Variants in CORO1B observed in about 807,000 individuals in gnomAD.
CORO1B encodes the protein coronin-1B.
CORO1B carries 30 observed loss-of-function variants against 51.1 expected under a neutral mutation model. The ratio of observed to expected loss-of-function variants is 0.59; its 90% CI spans 0.44 to 0.80. The LOEUF is 0.80. CORO1B is among the 30% of genes least tolerant of loss of function. CORO1B has a pLI of 0.00. For missense variants in CORO1B, 648 were observed against 700.4 expected (o/e 0.93, Z 0.84); for synonymous variants, 310 against 289.7 (o/e 1.07, Z -0.71).
rs1864398678 is a variant in CORO1B at position 67,441,716 on chromosome 11, CG to C, written c.454+16del. On this transcript the variant is annotated intron_variant, in intron 4 of 10. Coordinates refer to ENST00000341356, the MANE Select transcript of CORO1B (RefSeq NM_020441.3). ...GTCCGTGGGGGGGGGGAGCACAAAA[CG>C]GGGGGCGGTGCAGACCTGCACTGAG... The C allele has an allele frequency of 1.9e-6, 3 of 1,538,934 alleles. No individual in the cohort carries two copies. In the South Asian group the frequency reaches 3.4e-5, roughly 18 times the overall value.
chr11:67,436,416 T>TG lies in CORO1B; in HGVS notation c.*1959dup. 7.1e-7 allele frequency: 1 copy of TG among 1,416,060 alleles called. No individual in the cohort carries two copies. 87.7% of individuals were successfully genotyped at this position (1,416,060 alleles called of 1,614,324 possible). On this transcript the variant is annotated 3_prime_UTR_variant, in exon 11 of 11. Transcript: ENST00000341356. ...GGGTGGGGCCTGGTGTGGGGCAGGC[T>TG]GGGTGACCAAGACCACTTTCGTTTT...
chr11:67,439,147 CCT>C (rs1433312049), intron 9 of CORO1B, among the ~76,000 whole-genome samples, 198 bp from the exon 10 acceptor site: 1 of 152,238 alleles, frequency 6.6e-6, no homozygotes, highest in African/African-American at 2.4e-5. Flanking sequence ...GAGCAAGGCC[CCT>C]GTCATCACCT....
rs1188043476 is a variant in CORO1B, at chr11:67,438,522, G to T, written c.1345-21C>A. The T allele has an allele frequency of 3.1e-6, 5 of 1,594,420 alleles. No homozygotes were observed. The South Asian group carries it at 3.3e-5, about 11-fold the overall frequency. ...GCCTCCTGTGGGGACATGAAGCAGG[G>T]GTAGGGGGCGGTGGTCAGGGGCTGC... On this transcript the variant is annotated intron_variant, in intron 10 of 10. Transcript: ENST00000341356.
At position 67,438,335 on chromosome 11, in the gene CORO1B, G is replaced by A. The variant is rs776499865; in HGVS notation, c.*41C>T. The A allele has an allele frequency of 1.3e-6, 2 of 1,562,098 alleles. No individual in the cohort carries two copies. Among genetic ancestry groups the A allele is most frequent in the Admixed American group, 1.7e-5 (1 of 57,550 alleles). ...CCCGCTGGCAGAAGCTGAGTGGGAAGGGGGCGGCGGAGGAGATGAAGGTGG... is the reference window on the plus strand; with the variant it reads ...CCCGCTGGCAGAAGCTGAGTGGGAAAGGGGCGGCGGAGGAGATGAAGGTGG... On this transcript the variant is annotated 3_prime_UTR_variant, in exon 11 of 11. Coordinates refer to ENST00000341356, the MANE Select transcript of CORO1B (RefSeq NM_020441.3).
rs777268553 is a variant in CORO1B at position 67,438,396 on chromosome 11, T to C, written c.1450A>G (p.Met484Val). Residue 484 changes from methionine to valine, a missense_variant, in exon 11 of 11, where the codon ATG (methionine) becomes GTG (valine). By Grantham distance (21) the Met-to-Val change is conservative. Coordinates refer to ENST00000341356, the MANE Select transcript of CORO1B (RefSeq NM_020441.3). Reference protein sequence around the residue: ...ICRLEEQLGRMENGDA With the variant: ...ICRLEEQLGRVENGDA ...TGGCCCTACGCATCCCCGTTCTCCA[T>C]GCGGCCCAGCTGCTCCTCCAGGCGG... The C allele has an allele frequency of 1.2e-6, 2 of 1,607,940 alleles. No individual in the cohort carries two copies. The highest frequency in any genetic ancestry group is 1.3e-5 in the African/African-American group (1 of 75,004).
intron 6 of CORO1B, 193 bp from the exon 7 acceptor site, chr11:67,440,632 G>T: frequency 4.3e-6 from 3 of 696,016 alleles, no homozygotes; most frequent in Non-Finnish European, 7.8e-6. Context: ...TATTCCCAGG[G>T]TCCCTCTTTT....
rs1216406198 is a variant in CORO1B at position 67,437,829 on chromosome 11, C to G, written c.*547G>C. 1 of 423,962 alleles carries G rather than the reference C, an allele frequency of 2.4e-6. No homozygotes were observed. The highest frequency in any genetic ancestry group is 2.0e-5 in the African/African-American group (1 of 49,006). 26.3% of individuals were successfully genotyped at this position (423,962 alleles called of 1,614,324 possible). A position where few individuals can be genotyped will look rare whatever the true frequency, so the allele number is the denominator to read the frequency against. On this transcript the variant is annotated 3_prime_UTR_variant, in exon 11 of 11. Coordinates refer to ENST00000341356, the MANE Select transcript of CORO1B (RefSeq NM_020441.3). ...GAGGAGGCTGGGCTGCCGGGCCTGT[C>G]CTCCAAGGAAGAAGCAGCACCAACT...
In CORO1B at chr11:67,437,568, G is replaced by A. The variant is rs770236193; in HGVS notation, c.*808C>T. On this transcript the variant is annotated 3_prime_UTR_variant, in exon 11 of 11. Coordinates refer to ENST00000341356, the MANE Select transcript of CORO1B (RefSeq NM_020441.3). Reference sequence around the variant, plus strand: ...CCACAGGCCCAGACATTCTAGCCCCGACCGCCTGTGGCCCCCATCCCAAGA... The same window carrying A: ...CCACAGGCCCAGACATTCTAGCCCCAACCGCCTGTGGCCCCCATCCCAAGA... The A allele has an allele frequency of 3.0e-6, 4 of 1,337,756 alleles. No homozygotes were observed. Among genetic ancestry groups the A allele is most frequent in the Admixed American group, 3.0e-5 (1 of 32,936 alleles). 82.9% of individuals were successfully genotyped at this position (1,337,756 alleles called of 1,614,324 possible).
chr11:67,443,720 G>A (rs1864442660), upstream of CORO1B: 3 of 984,914 alleles, frequency 3.0e-6, no homozygotes, highest in Non-Finnish European at 2.4e-6. Context: ...GGCGGCCGCC[G>A]CAGAGGCGCC....
Position 67,436,707 on chromosome 11 carries a change from T to A in CORO1B, c.*1669A>T. 3 of 248,870 alleles carry A rather than the reference T, an allele frequency of 1.2e-5. No individual in the cohort carries two copies. Among genetic ancestry groups the A allele is most frequent in the East Asian group, 8.2e-5 (1 of 12,262 alleles). 15.4% of individuals were successfully genotyped at this position (248,870 alleles called of 1,614,324 possible). The stretch of plus-strand genomic sequence containing the variant: ...TGCTCAAACTTCACCCCAGTGAGGC[T>A]GAACCTGACCTTAACCTCTACCCTG... On this transcript the variant is annotated 3_prime_UTR_variant, in exon 11 of 11. Coordinates refer to ENST00000341356, the MANE Select transcript of CORO1B (RefSeq NM_020441.3).
At position 67,436,274 on chromosome 11, in the gene CORO1B, T is replaced by TCCTCCGCGCTGC; in HGVS notation, c.*2090_*2101dup. The TCCTCCGCGCTGC allele has an allele frequency of 1.3e-6, 2 of 1,539,600 alleles. No homozygotes were observed. The highest frequency in any genetic ancestry group is 1.7e-6 in the Non-Finnish European group (2 of 1,146,996). ...GGTGACAGAGCTGGAGCCCACGCTGTCCTCCGCGCTGCCACCCGAGCCCAA... is the reference window on the plus strand; with the variant it reads ...GGTGACAGAGCTGGAGCCCACGCTGTCCTCCGCGCTGCCCTCCGCGCTGCCACCCGAGCCCAA... On this transcript the variant is annotated 3_prime_UTR_variant, in exon 11 of 11. Transcript: ENST00000341356.
Position 67,438,104 on chromosome 11 carries a change from T to G in CORO1B, c.*272A>C, listed in dbSNP as rs1397927689. 2 of 406,458 alleles carry G rather than the reference T, an allele frequency of 4.9e-6. No individual in the cohort carries two copies. Among genetic ancestry groups the G allele is most frequent in the Non-Finnish European group, 4.3e-6 (1 of 230,096 alleles). The allele number at this position is 406,458 out of a possible 1,614,324, so 25.2% of individuals were successfully genotyped here. On this transcript the variant is annotated 3_prime_UTR_variant, in exon 11 of 11. Coordinates refer to ENST00000341356, the MANE Select transcript of CORO1B (RefSeq NM_020441.3). ...AAAATATAGAGCCCACCCTCCCGCC[T>G]CCTCTGGGGAGGGAGCAGAGGGCTG... is the stretch of plus-strand genomic sequence containing the variant.
chr11:67,437,844 C>G lies in CORO1B; in HGVS notation c.*532G>C. The G allele has an allele frequency of 2.5e-6, 1 of 406,004 alleles. No homozygotes were observed. The highest frequency in any genetic ancestry group is 4.3e-6 in the Non-Finnish European group (1 of 232,842). 25.2% of individuals were successfully genotyped at this position (406,004 alleles called of 1,614,324 possible). On this transcript the variant is annotated 3_prime_UTR_variant, in exon 11 of 11. Coordinates refer to ENST00000341356, the MANE Select transcript of CORO1B (RefSeq NM_020441.3). ...CCGGGCCTGTCCTCCAAGGAAGAAG[C>G]AGCACCAACTTGAAGCTGGATGCAG...
rs752022433 is a variant in CORO1B at position 67,435,842 on chromosome 11, C to T, written c.*2534G>A. Reference sequence around the variant, plus strand: ...GTCACTCAGCAGGGCCTCAGCACTGCCCCCTGCGCTCGCTGGTCCTGGGGA... The same window carrying T: ...GTCACTCAGCAGGGCCTCAGCACTGTCCCCTGCGCTCGCTGGTCCTGGGGA... On this transcript the variant is annotated 3_prime_UTR_variant, in exon 11 of 11. Transcript: ENST00000341356. The T allele has an allele frequency of 1.2e-6, 2 of 1,608,820 alleles. No individual in the cohort carries two copies. Among genetic ancestry groups the T allele is most frequent in the Non-Finnish European group, 1.7e-6 (2 of 1,179,034 alleles).
At position 67,437,335 on chromosome 11, in the gene CORO1B, G is replaced by T; in HGVS notation, c.*1041C>A. 2.7e-6 allele frequency: 1 copy of T among 368,630 alleles called. No individual in the cohort carries two copies. Among genetic ancestry groups the T allele is most frequent in the East Asian group, 3.9e-5 (1 of 25,572 alleles). 22.8% of individuals were successfully genotyped at this position (368,630 alleles called of 1,614,324 possible). On this transcript the variant is annotated 3_prime_UTR_variant, in exon 11 of 11. Transcript: ENST00000341356. ...CCACCACCCCAGGCTGTCCGCCCAG[G>T]CTCCAGGAATGCAAGTTCCCGCTCA...
intron 6 of CORO1B, 81 bp from the exon 7 acceptor site, chr11:67,440,520 A>C: frequency 7.6e-7 from 1 of 1,309,576 alleles, no homozygotes; most frequent in Non-Finnish European, 1.1e-6. Context: ...AGCTGGCCTC[A>C]CTAAGGCCAG....
In CORO1B at chr11:67,438,664, T is replaced by C. The variant is rs906729128; in HGVS notation, c.1344+7A>G. ...TCCCAGCACCACCCCTGCCTGCGCG[T>C]GCATACCCCGGCTCTGGCCAGGCTG... On this transcript the variant is annotated splice_region_variant and intron_variant, in intron 10 of 10. Coordinates refer to ENST00000341356, the MANE Select transcript of CORO1B (RefSeq NM_020441.3). 4 of 1,532,188 alleles carry C rather than the reference T, an allele frequency of 2.6e-6. No homozygotes were observed. The highest frequency in any genetic ancestry group is 2.0e-5 in the Admixed American group (1 of 51,106). The allele number at this position is 1,532,188 out of a possible 1,614,324, so 94.9% of individuals were successfully genotyped here.
rs1462635241 is a variant in CORO1B, at chr11:67,442,139, G to C, written c.202-51C>G. ...GGGCTCCATCCCTCCCGAAGCCTTG[G>C]TCTTCCCCTCCATGGAGTGGGAATG... On this transcript the variant is annotated intron_variant, in intron 2 of 10. Coordinates refer to ENST00000341356, the MANE Select transcript of CORO1B (RefSeq NM_020441.3). 3.8e-6 allele frequency: 6 copies of C among 1,591,658 alleles called. No individual in the cohort carries two copies. The African/African-American group carries it at 8.0e-5, about 21-fold the overall frequency.
Position 67,438,770 on chromosome 11 carries a change from G to C in CORO1B, c.1245C>G (p.Ser415Arg). ...AGGAGCCCGGGGCCATGGCGGGCCGGCTGTCAGACAACACGTTGCGCCGGC... is the reference window on the plus strand; with the variant it reads ...AGGAGCCCGGGGCCATGGCGGGCCGCCTGTCAGACAACACGTTGCGCCGGC... ...KISRRNVLSD[S>R]RPAMAPGSSH... The change falls in exon 10 of 11, where the codon AGC (serine) becomes AGG (arginine). Residue 415 changes from serine (S) to arginine (R), a missense_variant. Physicochemically the swap from Ser to Arg is moderately radical, Grantham distance 110. Coordinates refer to ENST00000341356, the MANE Select transcript of CORO1B (RefSeq NM_020441.3). The C allele has an allele frequency of 1.9e-6, 3 of 1,579,798 alleles. No homozygotes were observed. The South Asian group carries it at 3.4e-5, about 18-fold the overall frequency.
Sources: gnomAD v4.1 joint callset for allele counts (sites outside exome capture counted in the v4.1 genomes callset) on GRCh38, gnomAD v4.1.1 for gene constraint, MANE v1.5 for transcripts, NCBI Gene and HGNC (gene_info 2026-07-23, HGNC 2026-07-21) for gene names.